The following LTN1 variants were observed in gnomAD, a reference collection of about 807,000 sequenced individuals.
The protein encoded by LTN1 is listerin E3 ubiquitin protein ligase 1, also known as E3 ubiquitin-protein ligase listerin.
A neutral mutation model predicts 201.2 loss-of-function variants in LTN1; 88 were observed. That is an observed-to-expected ratio of 0.44 (90% CI 0.37 to 0.52). The LOEUF is 0.52. LTN1 is among the 20% of genes least tolerant of loss of function. The probability of loss-of-function intolerance (pLI) is 0.00; values close to 1 mark genes in which losing one functional copy is unlikely to be tolerated. For missense variants in LTN1, 1,752 were observed against 2,038.7 expected (o/e 0.86, Z 2.71); for synonymous variants, 645 against 713.5 (o/e 0.90, Z 1.53).
chr21:28,974,819 G>C (rs1373860421), intron 6 of LTN1, among the ~76,000 whole-genome samples: 1 of 152,040 alleles, frequency 6.6e-6, no homozygotes, highest in Non-Finnish European at 1.5e-5. Flanking sequence ...AATTTTTTTA[G>C]AGATATGAGT....
intron 4 of LTN1, among the ~76,000 whole-genome samples, chr21:28,984,369 G>T (rs769034736): frequency 1.6e-3 from 242 of 152,020 alleles, no homozygotes; most frequent in Non-Finnish European, 1.9e-3. Context: ...ATGGAAACAC[G>T]AGAGAAAATA....
intron 6 of LTN1, among the ~76,000 whole-genome samples, chr21:28,975,778 A>T (rs921432761): frequency 2.0e-5 from 3 of 152,210 alleles, no homozygotes; most frequent in Non-Finnish European, 4.4e-5. Flanking sequence ...TGGTAGGAGT[A>T]CTACAACTTT....
Position 28,953,280 on chromosome 21 carries a change from A to C in LTN1, c.3176T>G (p.Ile1059Ser), listed in dbSNP as rs1429621505. 1 of 1,606,136 alleles carries C rather than the reference A, an allele frequency of 6.2e-7. No individual in the cohort carries two copies. The highest frequency in any genetic ancestry group is 2.2e-5 in the East Asian group (1 of 44,668). ...AAGTACACGTAAGTTATCATACGTA[A>C]TATTCATTTTTTGAAGTATTTCACA... ...GFCEILQKMN[I>S]TYDNLRVLGN... Residue 1059 changes from isoleucine to serine, a missense_variant, in exon 17 of 30, where the codon ATT becomes AGT. Around this residue, in one of 3 missense-constraint regions of LTN1, gnomAD observed 1,211 missense variants for 1,312.8 expected, o/e 0.92. Coordinates refer to ENST00000361371, the MANE Select transcript of LTN1 (RefSeq NM_015565.3).
chr21:28,987,464 GC>G (rs1287720283), intron 1 of LTN1, among the ~76,000 whole-genome samples: 1 of 152,128 alleles, frequency 6.6e-6, no homozygotes, highest in African/African-American at 2.4e-5. Flanking sequence ...AATGATAGCT[GC>G]CTCTAGACTG....
chr21:28,932,678 A>G lies in LTN1; in HGVS notation c.4876-14T>C. ...TCGAGCTTTAACCTGCAATACAACA[A>G]AGGATATTTTGTTTGCCAAATTTCT... is the stretch of plus-strand genomic sequence containing the variant. On this transcript the variant is annotated splice_polypyrimidine_tract_variant and intron_variant, in intron 27 of 29. Transcript: ENST00000361371. 6.3e-7 allele frequency: 1 copy of G among 1,578,754 alleles called. No homozygotes were observed. The highest frequency in any genetic ancestry group is 8.6e-7 in the Non-Finnish European group (1 of 1,160,562).
chr21:28,990,040 T>C (rs563419537), intron 1 of LTN1, among the ~76,000 whole-genome samples: 24 of 152,272 alleles, frequency 1.6e-4, no homozygotes, highest in Non-Finnish European at 2.9e-4. Context: ...TATAACCTTT[T>C]TTCTCTACCT....
chr21:28,990,243 A>G lies in LTN1; in HGVS notation c.42+2521T>C, dbSNP rs376393614. 6.6e-5 allele frequency among the ~76,000 whole-genome samples: 10 copies of G among 152,320 alleles called. No individual in the cohort carries two copies. The East Asian group carries it at 1.7e-3, about 26-fold the overall frequency. On this transcript the variant is annotated intron_variant, in intron 1 of 29. Transcript: ENST00000361371. ...AACTAATAGTTCAAGAACAGCAGAC[A>G]TCTATTATCTCTGAATACCTGACAT...
intron 11 of LTN1, among the ~76,000 whole-genome samples, chr21:28,965,658 A>G (rs188490988): frequency 6.6e-6 from 1 of 152,288 alleles, no homozygotes; most frequent in African/African-American, 2.4e-5. Context: ...TTTTTCCCTA[A>G]TATTACTAAC....
intron 12 of LTN1, 184 bp from the exon 13 acceptor site, chr21:28,959,881 T>C (rs1221161770): frequency 3.8e-6 from 2 of 527,602 alleles, no homozygotes; most frequent in Non-Finnish European, 6.5e-6. Flanking sequence ...AAGGCAGTTT[T>C]AAATTAAGTA....
At chr21:28,939,506 T>C (rs1369700030) in intron 25 of LTN1, among the ~76,000 whole-genome samples, 1 of 152,226 alleles carries the variant, frequency 6.6e-6, no homozygotes, top group Non-Finnish European at 1.5e-5. Context: ...AGTTAACCCA[T>C]GATTTAGGAA....
intron 18 of LTN1, among the ~76,000 whole-genome samples, chr21:28,951,298 ATTC>A (rs1179098756): frequency 2.0e-5 from 3 of 152,334 alleles, no homozygotes; most frequent in Non-Finnish European, 4.4e-5. Context: ...TCATTTCAGA[ATTC>A]TTCTTGGTAA....
intron 16 of LTN1, 28 bp from the exon 17 acceptor site, chr21:28,953,404 G>C (rs1215024303): frequency 6.5e-7 from 1 of 1,540,564 alleles, no homozygotes; most frequent in Admixed American, 2.3e-5. Context: ...ACCAAATTAT[G>C]AAAAGCACTC....
chr21:28,970,405 A>C lies in LTN1; in HGVS notation c.1175+147T>G, dbSNP rs376145217. 1,934 of 640,104 alleles carry C rather than the reference A, an allele frequency of 3.0e-3. 47 individuals carry two copies. The highest frequency in any genetic ancestry group is 0.029 in the South Asian group (1,461 of 50,168). 39.7% of individuals were successfully genotyped at this position (640,104 alleles called of 1,614,324 possible). A position where few individuals can be genotyped will look rare whatever the true frequency, so the allele number is the denominator to read the frequency against. On this transcript the variant is annotated intron_variant, in intron 8 of 29. Transcript: ENST00000361371. Reference sequence around the variant, plus strand: ...ACTGAAGTCTTGAACGTACTCAAGAAAAAAATATCAATTGTAATTCTCTGA... The same window carrying C: ...ACTGAAGTCTTGAACGTACTCAAGACAAAAATATCAATTGTAATTCTCTGA...
In LTN1 at chr21:28,986,825, A is replaced by C; in HGVS notation, c.152T>G (p.Ile51Ser). ...SQSDLGYVPA[I>S]QGAEEIDSLV... ...ACTGTCAATTTCTTCAGCTCCTTGA[A>C]TAGCAGGAACATAGCCTAGGTCACT... The change falls in exon 2 of 30, where the codon ATT becomes AGT. Residue 51 changes from isoleucine (I) to serine (S), a missense_variant. By Grantham distance (142) the Ile-to-Ser change is moderately radical. Coordinates refer to ENST00000361371, the MANE Select transcript of LTN1 (RefSeq NM_015565.3). The surrounding 1 kb of genome is among the most constrained non-coding windows in gnomAD (Gnocchi z 4.1). 6.2e-7 allele frequency: 1 copy of C among 1,613,814 alleles called. No individual in the cohort carries two copies.
At chr21:28,951,455 T>C (rs1284955875) in intron 18 of LTN1, among the ~76,000 whole-genome samples, 1 of 152,142 alleles carries the variant, frequency 6.6e-6, no homozygotes, top group Non-Finnish European at 1.5e-5. Context: ...TATATTTCAA[T>C]AGGATGATGT....
intron 9 of LTN1, chr21:28,968,098 CTG>C: frequency 6.6e-6 from 1 of 152,230 alleles, no homozygotes; most frequent in Middle Eastern, 3.4e-3. Context: ...TATTTAATAA[CTG>C]AAAAACATAA....
chr21:28,944,013 C>G (rs1161559407), intron 22 of LTN1, 109 bp from the exon 23 acceptor site: 7 of 652,510 alleles, frequency 1.1e-5, no homozygotes, highest in Non-Finnish European at 1.9e-5. Context: ...AAAAACTAGA[C>G]ATAAACAATA....
chr21:28,958,584 A>G (rs758844065), intron 13 of LTN1, 45 bp from the exon 14 acceptor site: 3 of 1,391,112 alleles, frequency 2.2e-6, no homozygotes, highest in Non-Finnish European at 2.0e-6. Flanking sequence ...CACTGAATTA[A>G]CTCTCATCAG....
At position 28,955,114 on chromosome 21, in the gene LTN1, A is replaced by G. The variant is rs547930844; in HGVS notation, c.3079+1648T>C. Among the ~76,000 whole-genome samples the G allele has an allele frequency of 2.4e-4, 37 of 152,270 alleles. No individual in the cohort carries two copies. The South Asian group carries it at 3.1e-3, about 13-fold the overall frequency. ...AAAGGAAAAAAAAATCCCATGCTCAATATTAGTAATCATCAGGGAAATGCA... is the reference window on the plus strand; with the variant it reads ...AAAGGAAAAAAAAATCCCATGCTCAGTATTAGTAATCATCAGGGAAATGCA... On this transcript the variant is annotated intron_variant, in intron 16 of 29. Coordinates refer to ENST00000361371, the MANE Select transcript of LTN1 (RefSeq NM_015565.3).
Sources: allele counts gnomAD v4.1 joint callset (sites outside exome capture counted in the v4.1 genomes callset), GRCh38; gene constraint gnomAD v4.1.1; regional missense constraint gnomAD v4.1.1; non-coding constraint Gnocchi (gnomAD v3.1); transcripts MANE v1.5; gene names NCBI Gene and HGNC (gene_info 2026-07-23, HGNC 2026-07-21).